The following IMMP2L variants were observed in gnomAD, a reference collection of about 807,000 sequenced individuals.
IMMP2L encodes the protein mitochondrial inner membrane protease subunit 2.
In IMMP2L, 18 loss-of-function variants were observed where a neutral mutation model predicts 19.3. The ratio of observed to expected loss-of-function variants is 0.93; its 90% confidence interval spans 0.64 to 1.38. The LOEUF (loss-of-function observed/expected upper bound fraction) is 1.38. Among genes scored for constraint, IMMP2L ranks in the 40% most tolerant of loss-of-function variants. The pLI is 0.00. For synonymous variants in IMMP2L, 76 were observed against 73.0 expected (o/e 1.04, Z -0.21); for missense variants, 233 against 218.2 (o/e 1.07, Z -0.43).
chr7:111,162,090 A>C (rs995107554), intron 3 of IMMP2L, among the ~76,000 whole-genome samples: 15 of 152,120 alleles, frequency 9.9e-5, no homozygotes, highest in Non-Finnish European at 1.0e-4. Flanking sequence ...TTTATATCAA[A>C]ATCAGAAAAT....
At chr7:111,215,840 T>A (rs76367622) in intron 3 of IMMP2L, among the ~76,000 whole-genome samples, 15,634 of 152,174 alleles carry the variant, frequency 0.1, 1,028 homozygotes, top group African/African-American at 0.18. Context: ...ATTTCTCATC[T>A]GTAAATGTGC....
At position 110,695,613 on chromosome 7, in the gene IMMP2L, G is replaced by A. The variant is rs528148184; in HGVS notation, c.409-31892C>T. ...ATTGAATTTTTAAAAAGATAGAAGC[G>A]GGAGGGCAGGGAAGGGGAGAGTAGA... is the stretch of plus-strand genomic sequence containing the variant. On this transcript the variant is annotated intron_variant, in intron 5 of 5. Transcript: ENST00000405709. Among the ~76,000 whole-genome samples the A allele has an allele frequency of 4.6e-5, 7 of 152,212 alleles. No homozygotes were observed. In the South Asian group the frequency reaches 6.2e-4, roughly 14 times the overall value.
At chr7:111,015,558 T>C (rs1825417331) in intron 3 of IMMP2L, among the ~76,000 whole-genome samples, 1 of 152,108 alleles carries the variant, frequency 6.6e-6, no homozygotes. Flanking sequence ...TTGCTGTGTT[T>C]TTCACCACAA....
intron 3 of IMMP2L, among the ~76,000 whole-genome samples, chr7:111,099,494 T>C (rs1010087732): frequency 6.6e-6 from 1 of 151,748 alleles, no homozygotes; most frequent in African/African-American, 2.4e-5. Flanking sequence ...AGAAGCGTTC[T>C]ATATTAGCTG....
chr7:111,337,850 T>C (rs1826601431), intron 3 of IMMP2L, among the ~76,000 whole-genome samples: 1 of 152,152 alleles, frequency 6.6e-6, no homozygotes, highest in Non-Finnish European at 1.5e-5. Context: ...TCCATCAACA[T>C]TAGCAGAAGC....
At chr7:110,801,859 G>A (rs1028786346) in intron 5 of IMMP2L, among the ~76,000 whole-genome samples, 2 of 152,070 alleles carry the variant, frequency 1.3e-5, no homozygotes, top group Non-Finnish European at 2.9e-5. Flanking sequence ...TGAGTTGTAG[G>A]ATTATTGCCT....
intron 3 of IMMP2L, among the ~76,000 whole-genome samples, chr7:111,387,320 T>G (rs1241892518): frequency 6.6e-6 from 1 of 152,124 alleles, no homozygotes; most frequent in African/African-American, 2.4e-5. Flanking sequence ...AAGCTACAGA[T>G]CCTTTAAAAC....
At chr7:111,460,438 T>TAGAA (rs200953698) in intron 3 of IMMP2L, among the ~76,000 whole-genome samples, 1 of 152,074 alleles carries the variant, frequency 6.6e-6, no homozygotes, top group African/African-American at 2.4e-5. Context: ...TTCAGAAAGT[T>TAGAA]AGAAAGAAAG....
At chr7:111,505,188 G>C (rs1272013636) in intron 2 of IMMP2L, among the ~76,000 whole-genome samples, 3 of 151,632 alleles carry the variant, frequency 2.0e-5, no homozygotes, top group African/African-American at 7.3e-5. Flanking sequence ...CTTCTCAAAA[G>C]AAGACATTTA....
intron 4 of IMMP2L, among the ~76,000 whole-genome samples, chr7:110,895,354 T>C (rs555522852): frequency 2.0e-5 from 3 of 152,268 alleles, no homozygotes; most frequent in East Asian, 3.9e-4. Context: ...TCACCCTATA[T>C]GGATGAGTCT....
At chr7:111,146,730 G>T (rs1435915052) in intron 3 of IMMP2L, among the ~76,000 whole-genome samples, 1 of 151,992 alleles carries the variant, frequency 6.6e-6, no homozygotes, top group South Asian at 2.1e-4. Context: ...TAAGTTAATG[G>T]ATGAAAAAGG....
chr7:110,912,509 AACAC>A (rs941264702), intron 4 of IMMP2L, among the ~76,000 whole-genome samples: 1 of 152,048 alleles, frequency 6.6e-6, no homozygotes, highest in African/African-American at 2.4e-5. Context: ...AAAAAACACA[AACAC>A]ACACACAAAC....
At chr7:111,300,557 A>G (rs1383757725) in intron 3 of IMMP2L, among the ~76,000 whole-genome samples, 1 of 152,062 alleles carries the variant, frequency 6.6e-6, no homozygotes, top group Non-Finnish European at 1.5e-5. Context: ...AATATAAAAC[A>G]ATTCCATCAC....
At chr7:111,099,425 A>C (rs1797737209) in intron 3 of IMMP2L, among the ~76,000 whole-genome samples, 1 of 151,768 alleles carries the variant, frequency 6.6e-6, no homozygotes. Context: ...AAGTTAATTG[A>C]TGAAAGCTGT....
chr7:111,424,865 T>G (rs1282576487), intron 3 of IMMP2L, among the ~76,000 whole-genome samples: 1 of 151,774 alleles, frequency 6.6e-6, no homozygotes, highest in Non-Finnish European at 1.5e-5. Flanking sequence ...TTGTATCACA[T>G]TTGTTGACTA....
chr7:110,903,026 A>G (rs557832077), intron 4 of IMMP2L, among the ~76,000 whole-genome samples: 1 of 152,104 alleles, frequency 6.6e-6, no homozygotes, highest in South Asian at 2.1e-4. Context: ...TGACAAGATT[A>G]TACTTAATTA....
intron 3 of IMMP2L, among the ~76,000 whole-genome samples, chr7:111,359,952 T>C (rs1313154355): frequency 6.6e-6 from 1 of 152,122 alleles, no homozygotes. Context: ...TACAGAATTA[T>C]TTCATACTAT....
chr7:111,337,451 AGGATGGATGGATGGAT>A (rs140122085), intron 3 of IMMP2L, among the ~76,000 whole-genome samples: 37 of 148,878 alleles, frequency 2.5e-4, no homozygotes, highest in South Asian at 2.2e-3. Flanking sequence ...TTTGGATGGA[AGGATGGATGGATGGAT>A]GGATGGATGG....
At chr7:111,454,729 T>C (rs901509725) in intron 3 of IMMP2L, among the ~76,000 whole-genome samples, 3 of 152,038 alleles carry the variant, frequency 2.0e-5, no homozygotes, top group Non-Finnish European at 4.4e-5. Context: ...TTTTAAAGCT[T>C]TTTTTTAAGT....
Sources: gnomAD v4.1 joint callset for allele counts (sites outside exome capture counted in the v4.1 genomes callset) on GRCh38, gnomAD v4.1.1 for gene constraint, MANE v1.5 for transcripts, NCBI Gene and HGNC (gene_info 2026-07-23, HGNC 2026-07-21) for gene names.